B3GNT6: variants seen among roughly 807,000 people sequenced by gnomAD.
B3GNT6 encodes acetylgalactosaminyl-O-glycosyl-glycoprotein beta-1,3-N-acetylglucosaminyltransferase.
For missense variants in B3GNT6, 624 were observed against 568.6 expected (o/e 1.10, Z -0.99); for synonymous variants, 300 against 270.0 (o/e 1.11, Z -1.09).
At position 77,040,716 on chromosome 11, in the gene B3GNT6, G is replaced by A. The variant is rs782502186; in HGVS notation, c.*10G>A. The A allele has an allele frequency of 7.7e-6, 12 of 1,554,432 alleles. No individual in the cohort carries two copies. In the African/African-American group the frequency reaches 1.6e-4, roughly 21 times the overall value. On this transcript the variant is annotated 3_prime_UTR_variant, in exon 2 of 2. Coordinates refer to ENST00000622824, the MANE Select transcript of B3GNT6 (RefSeq NM_138706.5). ...ACACCGGGTCTCCTGAGGCCAGTTG[G>A]GCGGCTTCAGCCCCGGGCCTCCAAC... is the stretch of plus-strand genomic sequence containing the variant.
rs782247197 is a variant in B3GNT6, at chr11:77,039,874, C to T, written c.323C>T (p.Pro108Leu). The change falls in exon 2 of 2, where the codon CCG becomes CTG. Residue 108 changes from proline to leucine, a missense_variant. By Grantham distance (98) the Pro-to-Leu change is moderately conservative. Transcript: ENST00000622824. Reference protein sequence around the residue: ...CRHFPLLWDAPAKCAGGRGVF... With the variant: ...CRHFPLLWDALAKCAGGRGVF... Reference sequence around the variant, plus strand: ...CACTTCCCGCTGCTTTGGGACGCACCGGCCAAGTGCGCCGGCGGCCGAGGC... The same window carrying T: ...CACTTCCCGCTGCTTTGGGACGCACTGGCCAAGTGCGCCGGCGGCCGAGGC... 1.3e-6 allele frequency: 2 copies of T among 1,589,188 alleles called. No individual in the cohort carries two copies. The highest frequency in any genetic ancestry group is 1.7e-6 in the Non-Finnish European group (2 of 1,175,370).
In B3GNT6 at chr11:77,038,761, G is replaced by A. The variant is rs139808933; in HGVS notation, c.1-791G>A. Among the ~76,000 whole-genome samples the A allele has an allele frequency of 1.3e-3, 204 of 151,318 alleles. 1 individual carries two copies. Among genetic ancestry groups the A allele is most frequent in the Non-Finnish European group, 2.1e-3 (145 of 68,010 alleles). ...GAGAGGGCCTGAAGGTGAATGTTTG[G>A]GAACAGCAAATAATACCAGCAGGTA... On this transcript the variant is annotated intron_variant, in intron 1 of 1. Coordinates refer to ENST00000622824, the MANE Select transcript of B3GNT6 (RefSeq NM_138706.5).
chr11:77,039,484 G>C, intron 1 of B3GNT6, 68 bp from the exon 2 acceptor site: 1 of 1,516,888 alleles, frequency 6.6e-7, no homozygotes, highest in Non-Finnish European at 8.8e-7. Context: ...AAGTGACGGG[G>C]TACGGGTGGT....
chr11:77,037,418 G>A (rs1404366587), intron 1 of B3GNT6: 1 of 152,244 alleles, frequency 6.6e-6, no homozygotes, highest in Non-Finnish European at 1.5e-5. Context: ...AGCACTCCGG[G>A]ACAGCTTGGG....
In B3GNT6 at chr11:77,040,591, G is replaced by C; in HGVS notation, c.1040G>C (p.Cys347Ser). ...PGAQQSSFDP[C>S]MYRELLLVHR... The stretch of plus-strand genomic sequence containing the variant: ...GCACAGCAGTCCTCCTTCGACCCCT[G>C]CATGTACCGCGAGTTGCTGCTAGTG... Residue 347 changes from cysteine (C) to serine (S), a missense_variant, in exon 2 of 2, where the codon TGC becomes TCC. Coordinates refer to ENST00000622824, the MANE Select transcript of B3GNT6 (RefSeq NM_138706.5). 1.9e-6 allele frequency: 3 copies of C among 1,594,774 alleles called. No individual in the cohort carries two copies. Among genetic ancestry groups the C allele is most frequent in the Non-Finnish European group, 2.5e-6 (3 of 1,177,368 alleles).
intron 1 of B3GNT6, among the ~76,000 whole-genome samples, chr11:77,038,802 G>A (rs1949659791): frequency 6.6e-6 from 1 of 152,116 alleles, no homozygotes; most frequent in African/African-American, 2.4e-5. Context: ...AGGAGGCAGA[G>A]CTAGAGGATG....
At position 77,040,904 on chromosome 11, in the gene B3GNT6, TG is replaced by T; in HGVS notation, c.*202del. 11 of 860,994 alleles carry T rather than the reference TG, an allele frequency of 1.3e-5. No homozygotes were observed. The highest frequency in any genetic ancestry group is 1.5e-5 in the Non-Finnish European group (9 of 606,392). 53.3% of individuals were successfully genotyped at this position (860,994 alleles called of 1,614,324 possible). On this transcript the variant is annotated 3_prime_UTR_variant, in exon 2 of 2. Coordinates refer to ENST00000622824, the MANE Select transcript of B3GNT6 (RefSeq NM_138706.5). ...TCCCGAAGTTTCGATTTGATTAGTC[TG>T]GGGTGGACCCAGACATGTTAAGTAT...
rs1199913705 is a variant in B3GNT6 at position 77,040,613 on chromosome 11, A to G, written c.1062A>G (p.Leu354=). The change falls in exon 2 of 2, where the codon CTA becomes CTG. Residue 354 remains leucine, a synonymous_variant. Coordinates refer to ENST00000622824, the MANE Select transcript of B3GNT6 (RefSeq NM_138706.5). Reference sequence around the variant, plus strand: ...CCTGCATGTACCGCGAGTTGCTGCTAGTGCACCGCTTCGCGCCCTACGAGA... The same window carrying G: ...CCTGCATGTACCGCGAGTTGCTGCTGGTGCACCGCTTCGCGCCCTACGAGA... ...FDPCMYRELL[L]VHRFAPYEML... 3.1e-6 allele frequency: 5 copies of G among 1,598,160 alleles called. No homozygotes were observed. The highest frequency in any genetic ancestry group is 4.2e-6 in the Non-Finnish European group (5 of 1,178,550).
In B3GNT6 at chr11:77,039,972, G is replaced by A. The variant is rs782704720; in HGVS notation, c.421G>A (p.Gly141Arg). 2 of 1,589,876 alleles carry A rather than the reference G, an allele frequency of 1.3e-6. No homozygotes were observed. The highest frequency in any genetic ancestry group is 1.7e-6 in the Non-Finnish European group (2 of 1,175,834). Reference protein sequence around the residue: ...ERRELIRRTWGQERSYGGRPV... With the variant: ...ERRELIRRTWRQERSYGGRPV... ...ACGCGAGCTCATCCGGCGCACGTGG[G>A]GGCAAGAGCGCAGCTACGGCGGGCG... is the stretch of plus-strand genomic sequence containing the variant. Residue 141 changes from glycine to arginine, a missense_variant, in exon 2 of 2, where the codon GGG (glycine) becomes AGG (arginine). Coordinates refer to ENST00000622824, the MANE Select transcript of B3GNT6 (RefSeq NM_138706.5).
At chr11:77,035,595 T>C (rs1283294739) in intron 1 of B3GNT6, among the ~76,000 whole-genome samples, 2 of 152,230 alleles carry the variant, frequency 1.3e-5, no homozygotes, top group South Asian at 2.1e-4. Flanking sequence ...GAGGTGGTAT[T>C]TGAGCTGTGT....
At chr11:77,035,234 A>G (rs1555026799) in intron 1 of B3GNT6, among the ~76,000 whole-genome samples, 1 of 152,256 alleles carries the variant, frequency 6.6e-6, no homozygotes, top group African/African-American at 2.4e-5. Context: ...TTAGAGGATC[A>G]CAGAGGAACT....
rs760180919 is a variant in B3GNT6, at chr11:77,040,290, T to G, written c.739T>G (p.Ser247Ala). The G allele has an allele frequency of 3.8e-6, 6 of 1,590,828 alleles. No individual in the cohort carries two copies. The highest frequency in any genetic ancestry group is 3.4e-5 in the South Asian group (3 of 89,530). ...GCAGCCACCCGGCCGCCACCTGTTCTCCGGCCAGCTCATGGAGGGCTCCGT... is the reference window on the plus strand; with the variant it reads ...GCAGCCACCCGGCCGCCACCTGTTCGCCGGCCAGCTCATGGAGGGCTCCGT... ...QAQPPGRHLF[S>A]GQLMEGSVPI... The change falls in exon 2 of 2, where the codon TCC becomes GCC. Residue 247 changes from serine to alanine, a missense_variant. By Grantham distance (99) the Ser-to-Ala change is moderately conservative (BLOSUM62 1). Transcript: ENST00000622824.
rs782021841 is a variant in B3GNT6, at chr11:77,039,886, C to T, written c.335C>T (p.Ala112Val). ...PLLWDAPAKC[A>V]GGRGVFLLLA... The stretch of plus-strand genomic sequence containing the variant: ...CTTTGGGACGCACCGGCCAAGTGCG[C>T]CGGCGGCCGAGGCGTGTTCCTGCTC... Residue 112 changes from alanine to valine, a missense_variant, in exon 2 of 2, where the codon GCC (alanine) becomes GTC (valine). Transcript: ENST00000622824. 38 of 1,590,380 alleles carry T rather than the reference C, an allele frequency of 2.4e-5. No homozygotes were observed. Among genetic ancestry groups the T allele is most frequent in the African/African-American group, 1.9e-4 (14 of 74,340 alleles).
rs935113896 is a variant in B3GNT6, at chr11:77,040,410, C to T, written c.859C>T (p.Leu287=). 2.0e-6 allele frequency: 3 copies of T among 1,530,710 alleles called. No homozygotes were observed. The highest frequency in any genetic ancestry group is 1.7e-6 in the Non-Finnish European group (2 of 1,144,356). The allele number at this position is 1,530,710 out of a possible 1,614,324, so 94.8% of individuals were successfully genotyped here. A position where few individuals can be genotyped will look rare whatever the true frequency, so the allele number is the denominator to read the frequency against. ...PVYCSGGGFL[L]SGPTARALRA... is the part of the protein sequence containing the mutation. ...GTACTGCAGCGGCGGCGGCTTCCTC[C>T]TGTCCGGCCCCACGGCCCGGGCCCT... is the stretch of plus-strand genomic sequence containing the variant. Residue 287 remains leucine, a synonymous_variant, in exon 2 of 2, where the codon CTG becomes TTG. Transcript: ENST00000622824.
chr11:77,040,444 C>A lies in B3GNT6; in HGVS notation c.893C>A (p.Ala298Asp). 1 of 1,533,030 alleles carries A rather than the reference C, an allele frequency of 6.5e-7. No individual in the cohort carries two copies. Among genetic ancestry groups the A allele is most frequent in the East Asian group, 2.5e-5 (1 of 40,788 alleles). 95.0% of individuals were successfully genotyped at this position (1,533,030 alleles called of 1,614,324 possible). Residue 298 changes from alanine to aspartate, a missense_variant, in exon 2 of 2, where the codon GCC (alanine) becomes GAC (aspartate). Coordinates refer to ENST00000622824, the MANE Select transcript of B3GNT6 (RefSeq NM_138706.5). ...CCCACGGCCCGGGCCCTGCGCGCGG[C>A]CGCCCGCCACACCCCGCTCTTCCCC... is the stretch of plus-strand genomic sequence containing the variant. ...SGPTARALRA[A>D]ARHTPLFPID...
Position 77,039,790 on chromosome 11 carries a change from C to CCGACTT in B3GNT6, c.243_248dup (p.Asp81_Phe82dup). The CCGACTT allele has an allele frequency of 6.3e-7, 1 of 1,579,052 alleles. No individual in the cohort carries two copies. Among genetic ancestry groups the CCGACTT allele is most frequent in the Non-Finnish European group, 8.6e-7 (1 of 1,168,222 alleles). On this transcript the variant is annotated inframe_insertion, in exon 2 of 2. Coordinates refer to ENST00000622824, the MANE Select transcript of B3GNT6 (RefSeq NM_138706.5). ...GCGAACGCCTCGGCGAACGCCACGG[C>CCGACTT]CGACTTCGAGCAGCTGCCCGCGCGC...
At chr11:77,036,766 G>A (rs754252395) in intron 1 of B3GNT6, among the ~76,000 whole-genome samples, 2 of 152,182 alleles carry the variant, frequency 1.3e-5, no homozygotes, top group Non-Finnish European at 2.9e-5. Context: ...CCTACTACTC[G>A]GCTGTCCTAA....
intron 1 of B3GNT6, among the ~76,000 whole-genome samples, chr11:77,035,107 C>T (rs1217248943): frequency 2.0e-5 from 3 of 151,694 alleles, no homozygotes; most frequent in African/African-American, 7.3e-5. Context: ...TGCACTGAGT[C>T]GAGAAAAAGA....
chr11:77,039,324 C>T (rs915161098), intron 1 of B3GNT6, among the ~76,000 whole-genome samples: 3 of 152,108 alleles, frequency 2.0e-5, no homozygotes, highest in African/African-American at 7.2e-5. Context: ...GCGGTGTTGT[C>T]AGGAGGCAAA....
Sources: allele counts gnomAD v4.1 joint callset (sites outside exome capture counted in the v4.1 genomes callset), GRCh38; gene constraint gnomAD v4.1.1; transcripts MANE v1.5; gene names NCBI Gene and HGNC (gene_info 2026-07-23, HGNC 2026-07-21).